The following PPP1R12A variants were observed in gnomAD, a reference collection of about 807,000 sequenced individuals.
The protein encoded by PPP1R12A is myosin binding subunit.
Under a neutral mutation model 139.6 loss-of-function variants are expected in PPP1R12A, and 19 were observed. That is an observed-to-expected ratio of 0.14 (90% CI 0.09 to 0.20). The LOEUF is 0.20. Ranked by LOEUF, PPP1R12A falls within the 10% of genes least tolerant of loss-of-function variation. PPP1R12A has a pLI of 1.00. For missense variants in PPP1R12A, 925 were observed against 1,211.5 expected (o/e 0.76, Z 3.51); for synonymous variants, 427 against 420.6 (o/e 1.02, Z -0.19).
chr12:79,833,351 A>T (rs2137158668), intron 3 of PPP1R12A, among the ~76,000 whole-genome samples: 1 of 152,284 alleles, frequency 6.6e-6, no homozygotes, highest in East Asian at 1.9e-4. Flanking sequence ...TTGGAAAAAA[A>T]ATTAAAGAAA....
rs1468198251 is a variant in PPP1R12A at position 79,931,531 on chromosome 12, T to C, written c.237+3164A>G. 2.6e-5 allele frequency among the ~76,000 whole-genome samples: 4 copies of C among 152,176 alleles called. No homozygotes were observed. In the East Asian group the frequency reaches 5.8e-4, roughly 22 times the overall value. Reference sequence around the variant, plus strand: ...AGAAAAATCTCAGCCCTGTATTTTATGCACACCAGTATCAGTAAGAATCAG... The same window carrying C: ...AGAAAAATCTCAGCCCTGTATTTTACGCACACCAGTATCAGTAAGAATCAG... On this transcript the variant is annotated intron_variant, in intron 1 of 24. Transcript: ENST00000450142.
chr12:79,891,121 A>G (rs1196659677), intron 1 of PPP1R12A, among the ~76,000 whole-genome samples: 1 of 152,180 alleles, frequency 6.6e-6, no homozygotes, highest in South Asian at 2.1e-4. Context: ...AAAGATATGT[A>G]TAAGAGAGAC....
chr12:79,796,431 A>G (rs925975146), intron 17 of PPP1R12A, among the ~76,000 whole-genome samples: 4 of 149,978 alleles, frequency 2.7e-5, no homozygotes, highest in African/African-American at 9.8e-5. Context: ...CATTTAAATG[A>G]TATGATCTAC....
chr12:79,854,096 G>T (rs1018230900), intron 2 of PPP1R12A, among the ~76,000 whole-genome samples: 67 of 152,162 alleles, frequency 4.4e-4, no homozygotes, highest in Non-Finnish European at 2.9e-5. Context: ...GATATTTTAT[G>T]GTAAGATCAA....
chr12:79,797,495 T>A, intron 15 of PPP1R12A, 100 bp from the exon 16 acceptor site: 4 of 1,123,334 alleles, frequency 3.6e-6, no homozygotes, highest in Non-Finnish European at 3.7e-6. Context: ...GCATTAAAAG[T>A]CAAATATGCA....
chr12:79,807,821 A>G (rs1874035839), intron 11 of PPP1R12A, among the ~76,000 whole-genome samples: 1 of 151,974 alleles, frequency 6.6e-6, no homozygotes, highest in African/African-American at 2.4e-5. Context: ...GGTGGATCAC[A>G]AGGTCAAGAG....
At chr12:79,921,293 A>G (rs954533257) in intron 1 of PPP1R12A, among the ~76,000 whole-genome samples, 4 of 152,148 alleles carry the variant, frequency 2.6e-5, no homozygotes, top group South Asian at 2.1e-4. Context: ...ATCATGTAAG[A>G]AGGAGGACAG....
chr12:79,800,044 T>C (rs1039533767), intron 14 of PPP1R12A, among the ~76,000 whole-genome samples: 1 of 152,068 alleles, frequency 6.6e-6, no homozygotes, highest in Non-Finnish European at 1.5e-5. Context: ...AGCAAAGATA[T>C]GACAGAGCCC....
At chr12:79,867,061 C>T (rs1488769725) in intron 2 of PPP1R12A, among the ~76,000 whole-genome samples, 1 of 152,104 alleles carries the variant, frequency 6.6e-6, no homozygotes, top group Non-Finnish European at 1.5e-5. Context: ...AAAACACTTG[C>T]AACCAACCAA....
chr12:79,783,722 A>G (rs1395339989), intron 22 of PPP1R12A, among the ~76,000 whole-genome samples: 1 of 152,216 alleles, frequency 6.6e-6, no homozygotes, highest in Non-Finnish European at 1.5e-5. Context: ...ATGGAAAAAT[A>G]GCATTTCACT....
intron 1 of PPP1R12A, among the ~76,000 whole-genome samples, chr12:79,893,858 A>G (rs931665806): frequency 3.9e-5 from 6 of 152,204 alleles, no homozygotes; most frequent in African/African-American, 1.4e-4. Flanking sequence ...AGGCAAAAAG[A>G]TAACTGTACT....
At chr12:79,857,566 T>C (rs941345645) in intron 2 of PPP1R12A, among the ~76,000 whole-genome samples, 6 of 151,608 alleles carry the variant, frequency 4.0e-5, no homozygotes, top group Non-Finnish European at 7.4e-5. Context: ...GAACTTAAAG[T>C]ATAATAATAA....
chr12:79,890,901 C>CACACACACA (rs1565800207), intron 1 of PPP1R12A, among the ~76,000 whole-genome samples: 2 of 30,952 alleles, frequency 6.5e-5, no homozygotes, highest in African/African-American at 2.0e-4. Context: ...CCACCCACAC[C>CACACACACA]CACCCACACA....
chr12:79,933,304 A>G (rs1426951286), intron 1 of PPP1R12A, among the ~76,000 whole-genome samples: 1 of 152,236 alleles, frequency 6.6e-6, no homozygotes, highest in East Asian at 1.9e-4. Context: ...TCCAAGTCTG[A>G]TAAGAGAATT....
intron 5 of PPP1R12A, among the ~76,000 whole-genome samples, chr12:79,826,542 A>T (rs989954589): frequency 1.3e-5 from 2 of 152,068 alleles, no homozygotes; most frequent in African/African-American, 2.4e-5. Flanking sequence ...CTACTGAAAT[A>T]TCGAATGACA....
Position 79,893,348 on chromosome 12 carries a change from T to C in PPP1R12A, c.238-20410A>G, listed in dbSNP as rs142217590. Reference sequence around the variant, plus strand: ...ATATTATAACATACCTGTCCTAACATACTTTAAAAATTGTATAATTATCTA... The same window carrying C: ...ATATTATAACATACCTGTCCTAACACACTTTAAAAATTGTATAATTATCTA... On this transcript the variant is annotated intron_variant, in intron 1 of 24. Transcript: ENST00000450142. 4.8e-4 allele frequency among the ~76,000 whole-genome samples: 73 copies of C among 152,316 alleles called. No individual in the cohort carries two copies. In the East Asian group the frequency reaches 0.012, roughly 26 times the overall value.
At chr12:79,913,318 T>C (rs1886739761) in intron 1 of PPP1R12A, among the ~76,000 whole-genome samples, 1 of 152,238 alleles carries the variant, frequency 6.6e-6, no homozygotes, top group African/African-American at 2.4e-5. Flanking sequence ...AGAGTATCTA[T>C]TACTTTTGTA....
chr12:79,828,371 T>C lies in PPP1R12A; in HGVS notation c.741A>G (p.Ala247=), dbSNP rs759958702. ...HAAAHWGKEE[A]CRILVDNLCD... ...ACAGATTGTCCACTAAAATTCGACA[T>C]GCTTCTTCTTTACCCCAATGAGCTG... The change falls in exon 5 of 25, where the codon GCA becomes GCG. Residue 247 remains alanine, a synonymous_variant. Transcript: ENST00000450142. 4 of 1,612,540 alleles carry C rather than the reference T, an allele frequency of 2.5e-6. No homozygotes were observed. Among genetic ancestry groups the C allele is most frequent in the Admixed American group, 3.3e-5 (2 of 59,950 alleles).
chr12:79,842,257 C>A (rs1342005896), intron 3 of PPP1R12A, among the ~76,000 whole-genome samples: 4 of 152,084 alleles, frequency 2.6e-5, no homozygotes, highest in Non-Finnish European at 4.4e-5. Flanking sequence ...GAGGTTGAGG[C>A]TATAGTGAGC....
Sources: allele counts gnomAD v4.1 joint callset (sites outside exome capture counted in the v4.1 genomes callset), GRCh38; gene constraint gnomAD v4.1.1; transcripts MANE v1.5; gene names NCBI Gene and HGNC (gene_info 2026-07-23, HGNC 2026-07-21).